RABL6: variants seen among roughly 807,000 people sequenced by gnomAD.
The protein encoded by RABL6 is RAB, member RAS oncogene family like 6.
RABL6 carries 28 observed loss-of-function variants against 72.9 expected under a neutral mutation model. The ratio of observed to expected loss-of-function variants is 0.38; its 90% CI spans 0.28 to 0.53. The LOEUF (loss-of-function observed/expected upper bound fraction) is 0.53, where lower values mean the gene tolerates loss of function less well. Among genes scored for constraint, RABL6 ranks in the 20% least tolerant of loss-of-function variants. The pLI is 0.80. For synonymous variants in RABL6, 477 were observed against 421.2 expected, an observed-to-expected ratio of 1.13 and a Z score of -1.62; for missense variants, 1,029 against 1,008.4, an observed-to-expected ratio of 1.02 and a Z score of -0.28.
chr9:136,825,697 G>A (rs975586749), intron 2 of RABL6, 82 bp from the exon 3 acceptor site: 1 of 1,486,710 alleles, frequency 6.7e-7, no homozygotes, highest in African/African-American at 1.4e-5. Context: ...GCGGGGCACA[G>A]ACAACCACAC....
At chr9:136,831,469 C>T (rs1052351006) in intron 5 of RABL6, among the ~76,000 whole-genome samples, 4 of 152,186 alleles carry the variant, frequency 2.6e-5, no homozygotes, top group African/African-American at 2.4e-5. Context: ...CAGGCAGGGG[C>T]GTTCCAGTGT....
chr9:136,836,898 G>A, intron 8 of RABL6: 1 of 324,498 alleles, frequency 3.1e-6, no homozygotes, highest in Non-Finnish European at 6.0e-6. Context: ...TTCTGAGATG[G>A]AGTCTCGCTC....
At chr9:136,840,032 A>C in intron 13 of RABL6, 122 bp from the exon 14 acceptor site, 1 of 1,504,430 alleles carries the variant, frequency 6.6e-7, no homozygotes, top group Non-Finnish European at 9.2e-7. Flanking sequence ...GGTCCTGTCC[A>C]TCAGCAGGGC....
In RABL6 at chr9:136,829,503, G is replaced by T; in HGVS notation, c.458+19G>T. 1 of 1,555,834 alleles carries T rather than the reference G, an allele frequency of 6.4e-7. No individual in the cohort carries two copies. Among genetic ancestry groups the T allele is most frequent in the African/African-American group, 1.4e-5 (1 of 73,574 alleles). ...AGCAGTGGTAAGAGGGAGCTGGCGG[G>T]GGCAGCTGCCTGTGACTCTCACCCC... On this transcript the variant is annotated intron_variant, in intron 5 of 14. Transcript: ENST00000311502.
In RABL6 at chr9:136,816,585, C is replaced by T. The variant is rs189976224; in HGVS notation, c.131-6940C>T. On this transcript the variant is annotated intron_variant, in intron 1 of 14. Coordinates refer to ENST00000311502, the MANE Select transcript of RABL6 (RefSeq NM_024718.5). ...ACAAAAATTAGCTGGGTGTGATGGG[C>T]ACATGCCTGTAATCCCAGCTACTCA... 1.3e-5 allele frequency among the ~76,000 whole-genome samples: 2 copies of T among 152,050 alleles called. 1 individual carries two copies. Among genetic ancestry groups the T allele is most frequent in the East Asian group, 3.9e-4 (2 of 5,126 alleles).
chr9:136,811,339 C>G (rs956637491), intron 1 of RABL6, among the ~76,000 whole-genome samples: 1 of 152,044 alleles, frequency 6.6e-6, no homozygotes, highest in African/African-American at 2.4e-5. Context: ...GTTTTTTTGC[C>G]GGGCGCGGTG....
At position 136,809,927 on chromosome 9, in the gene RABL6, A is replaced by G. The variant is rs187404362; in HGVS notation, c.130+1601A>G. On this transcript the variant is annotated intron_variant, in intron 1 of 14. Transcript: ENST00000311502. Reference sequence around the variant, plus strand: ...AGCTCCCAGACTCCCGTGGAGTGGAAGCCTGGGGGCTCGCTGAAGAAGTCA... The same window carrying G: ...AGCTCCCAGACTCCCGTGGAGTGGAGGCCTGGGGGCTCGCTGAAGAAGTCA... The G allele has an allele frequency of 3.9e-5, 6 of 153,744 alleles. 1 individual carries two copies. Among genetic ancestry groups the G allele is most frequent in the Admixed American group, 1.3e-4 (2 of 15,348 alleles). 9.5% of individuals were successfully genotyped at this position (153,744 alleles called of 1,614,324 possible). A position where few individuals can be genotyped will look rare whatever the true frequency, so the allele number is the denominator to read the frequency against.
rs1166520089 is a variant in RABL6 at position 136,840,399 on chromosome 9, ACGGCGGCAGCAG to A, written c.2072_2083del (p.Arg691_Arg694del). 1 of 1,551,372 alleles carries A rather than the reference ACGGCGGCAGCAG, an allele frequency of 6.4e-7. No individual in the cohort carries two copies. On this transcript the variant is annotated inframe_deletion, in exon 15 of 15. Transcript: ENST00000311502. The stretch of plus-strand genomic sequence containing the variant: ...AGGAGGAGGGCAAGGAGGAGCGGCG[ACGGCGGCAGCAG>A]CGGCCCCCGCGCAGCAGGGAGAGGA...
At chr9:136,825,515 G>A (rs7853693) in intron 2 of RABL6, among the ~76,000 whole-genome samples, 1 of 120,618 alleles carries the variant, frequency 8.3e-6, no homozygotes, top group Non-Finnish European at 1.8e-5. Flanking sequence ...ATCGGGGCCC[G>A]GGAGGGAGGG....
chr9:136,840,921 C>A lies in RABL6; in HGVS notation c.*399C>A. 6.7e-7 allele frequency: 1 copy of A among 1,482,276 alleles called. No individual in the cohort carries two copies. 91.8% of individuals were successfully genotyped at this position (1,482,276 alleles called of 1,614,324 possible). ...GCACCTGCTTGCCCTCCGCGCTCAT[C>A]TGGGGCCGCAGCATGCCTATGGTTC... On this transcript the variant is annotated 3_prime_UTR_variant, in exon 15 of 15. Transcript: ENST00000311502.
rs1256259525 is a variant in RABL6, at chr9:136,826,255, CTG to C, written c.313+430_313+431del. Among the ~76,000 whole-genome samples, 1 of 152,178 alleles carries C rather than the reference CTG, an allele frequency of 6.6e-6. No individual in the cohort carries two copies. The highest frequency in any genetic ancestry group is 1.5e-5 in the Non-Finnish European group (1 of 68,018). On this transcript the variant is annotated intron_variant, in intron 3 of 14. Transcript: ENST00000311502. The surrounding 1 kb of genome is among the most constrained non-coding windows in gnomAD (Gnocchi z 4.9). ...ATCCCCAGCCACACAGACCTGCACTCTGGGGACCGTGGGAGGGCAGCACCAGC... is the reference window on the plus strand; with the variant it reads ...ATCCCCAGCCACACAGACCTGCACTCGGGACCGTGGGAGGGCAGCACCAGC...
At chr9:136,811,597 G>A (rs1848012822) in intron 1 of RABL6, among the ~76,000 whole-genome samples, 1 of 147,350 alleles carries the variant, frequency 6.8e-6, no homozygotes, top group Non-Finnish European at 1.5e-5. Flanking sequence ...CAGCCTGGGT[G>A]ACAGAGTCAG....
intron 1 of RABL6, chr9:136,809,369 G>A: frequency 4.6e-6 from 1 of 215,884 alleles, no homozygotes. Flanking sequence ...TAGTCCCCCG[G>A]CCTGTGAGCA....
chr9:136,824,704 G>A (rs1588358363), intron 2 of RABL6, among the ~76,000 whole-genome samples: 1 of 152,158 alleles, frequency 6.6e-6, no homozygotes, highest in East Asian at 1.9e-4. Flanking sequence ...AGGCAAAGAT[G>A]AGTTTGAGCT....
intron 1 of RABL6, among the ~76,000 whole-genome samples, chr9:136,811,016 C>T (rs1287821980): frequency 1.3e-5 from 2 of 152,192 alleles, no homozygotes; most frequent in African/African-American, 2.4e-5. Flanking sequence ...TCCCGGTAGA[C>T]GTGTGGGACA....
At chr9:136,833,667 T>C in intron 7 of RABL6, 1 of 1,547,654 alleles carries the variant, frequency 6.5e-7, no homozygotes, top group South Asian at 1.2e-5. Flanking sequence ...CCCGACTGGG[T>C]CTGGGGGACC....
intron 4 of RABL6, among the ~76,000 whole-genome samples, chr9:136,829,049 G>A (rs940961225): frequency 6.4e-4 from 98 of 152,260 alleles, no homozygotes; most frequent in African/African-American, 2.3e-3. Context: ...GGAACCTTCC[G>A]GAACGCACAT....
chr9:136,831,707 A>G lies in RABL6; in HGVS notation c.459-14A>G, dbSNP rs1848477443. On this transcript the variant is annotated splice_polypyrimidine_tract_variant and intron_variant, in intron 5 of 14. Transcript: ENST00000311502. ...AGGGCTGAAACTAAGCCAGGTCCTC[A>G]CCTGTTCTCCGAGGACCTTCAATTA... 1 of 1,612,882 alleles carries G rather than the reference A, an allele frequency of 6.2e-7. No individual in the cohort carries two copies. The highest frequency in any genetic ancestry group is 8.5e-7 in the Non-Finnish European group (1 of 1,179,734).
At chr9:136,836,460 G>A (rs1393454907) in intron 8 of RABL6, 4 of 152,470 alleles carry the variant, frequency 2.6e-5, no homozygotes, top group Non-Finnish European at 5.9e-5. Context: ...GGAGGTCTCT[G>A]TTTCCAGAAG....
Sources: gnomAD v4.1 joint callset for allele counts (sites outside exome capture counted in the v4.1 genomes callset) on GRCh38, gnomAD v4.1.1 for gene constraint, Gnocchi (gnomAD v3.1) non-coding constraint, MANE v1.5 for transcripts, NCBI Gene and HGNC (gene_info 2026-07-23, HGNC 2026-07-21) for gene names.